The following ARHGAP12 variants were observed in gnomAD, a reference collection of about 807,000 sequenced individuals.
ARHGAP12 encodes the protein Rho GTPase activating protein 12, also known as rho GTPase-activating protein 12.
Under a neutral mutation model 108.6 loss-of-function variants are expected in ARHGAP12, and 64 were observed. That is an observed-to-expected ratio of 0.59 (90% confidence interval 0.48 to 0.73). The LOEUF (loss-of-function observed/expected upper bound fraction) is 0.73. Among genes scored for constraint, ARHGAP12 ranks in the 30% least tolerant of loss-of-function variants. The pLI, the probability that ARHGAP12 is intolerant of heterozygous loss-of-function variation, is 0.00. For missense variants in ARHGAP12, 940 were observed against 1,005.9 expected (o/e 0.93, Z 0.89); for synonymous variants, 312 against 337.2 (o/e 0.93, Z 0.82).
intron 4 of ARHGAP12, among the ~76,000 whole-genome samples, chr10:31,854,639 G>A (rs1836819243): frequency 6.6e-6 from 1 of 152,050 alleles, no homozygotes; most frequent in Non-Finnish European, 1.5e-5. Context: ...CACATGCAAG[G>A]CAAACAACCC....
At chr10:31,831,393 G>C (rs1231278830) in intron 10 of ARHGAP12, among the ~76,000 whole-genome samples, 1 of 152,150 alleles carries the variant, frequency 6.6e-6, no homozygotes, top group Non-Finnish European at 1.5e-5. Context: ...TGCCTCTGGG[G>C]AGGGGAAGTA....
chr10:31,928,592 C>T (rs574110536), intron 1 of ARHGAP12, 91 bp downstream of exon 1: 2 of 153,018 alleles, frequency 1.3e-5, no homozygotes, highest in Non-Finnish European at 2.9e-5. Context: ...CTCCACCGCC[C>T]TCGGCGGGCA....
intron 3 of ARHGAP12, among the ~76,000 whole-genome samples, chr10:31,894,284 A>G (rs571579112): frequency 7.2e-5 from 11 of 152,294 alleles, no homozygotes; most frequent in African/African-American, 2.4e-4. Flanking sequence ...AGGGTATTCA[A>G]TTAGGAAAAG....
chr10:31,889,549 C>A (rs117671168), intron 3 of ARHGAP12, among the ~76,000 whole-genome samples: 1 of 151,350 alleles, frequency 6.6e-6, no homozygotes, highest in Admixed American at 6.6e-5. Flanking sequence ...AATCCAGTAA[C>A]CACTTAAAAA....
At chr10:31,894,340 T>C (rs1838585373) in intron 3 of ARHGAP12, among the ~76,000 whole-genome samples, 1 of 152,128 alleles carries the variant, frequency 6.6e-6, no homozygotes, top group African/African-American at 2.4e-5. Flanking sequence ...ATTGTATATC[T>C]AGAAAACCCC....
At chr10:31,916,622 T>C (rs1034144014) in intron 1 of ARHGAP12, among the ~76,000 whole-genome samples, 1 of 152,158 alleles carries the variant, frequency 6.6e-6, no homozygotes, top group Non-Finnish European at 1.5e-5. Context: ...AAACATAATG[T>C]ATCTTTTTTT....
intron 3 of ARHGAP12, among the ~76,000 whole-genome samples, chr10:31,894,301 T>C (rs1339204007): frequency 6.6e-6 from 1 of 152,168 alleles, no homozygotes; most frequent in African/African-American, 2.4e-5. Flanking sequence ...AAAGAGGAAG[T>C]CAAATTGTCC....
chr10:31,834,829 A>G (rs1176003113), intron 9 of ARHGAP12, among the ~76,000 whole-genome samples: 1 of 152,210 alleles, frequency 6.6e-6, no homozygotes, highest in Non-Finnish European at 1.5e-5. Context: ...ACTATTAAAT[A>G]TCTAAGTTTT....
At chr10:31,854,385 TA>T (rs1836811372) in intron 4 of ARHGAP12, among the ~76,000 whole-genome samples, 179 bp from the exon 5 acceptor site, 1 of 152,174 alleles carries the variant, frequency 6.6e-6, no homozygotes, top group Admixed American at 6.5e-5. Context: ...AGAGGTGAGG[TA>T]AAATTAATAG....
chr10:31,912,760 A>G (rs1320682045), intron 1 of ARHGAP12, among the ~76,000 whole-genome samples: 1 of 152,168 alleles, frequency 6.6e-6, no homozygotes, highest in Non-Finnish European at 1.5e-5. Context: ...AGGGTGGGGA[A>G]ACAGGTTGGG....
intron 3 of ARHGAP12, among the ~76,000 whole-genome samples, chr10:31,898,107 G>A (rs1838779810): frequency 6.6e-6 from 1 of 152,128 alleles, no homozygotes; most frequent in South Asian, 2.1e-4. Context: ...CTGGGCAAGA[G>A]AGCAAAACCT....
intron 1 of ARHGAP12, among the ~76,000 whole-genome samples, chr10:31,918,420 A>T (rs897860792): frequency 6.6e-6 from 1 of 152,080 alleles, no homozygotes; most frequent in Non-Finnish European, 1.5e-5. Flanking sequence ...ATTAAAAAAT[A>T]GACCAAGTAC....
chr10:31,814,475 AC>A (rs1199388370), intron 13 of ARHGAP12, 114 bp from the exon 14 acceptor site: 3 of 801,096 alleles, frequency 3.7e-6, no homozygotes, highest in Admixed American at 4.2e-5. Flanking sequence ...ATTTTAGGAA[AC>A]CAATTAGTAT....
At chr10:31,885,847 AAC>A (rs1174040206) in intron 3 of ARHGAP12, among the ~76,000 whole-genome samples, 15 of 152,096 alleles carry the variant, frequency 9.9e-5, no homozygotes, top group Non-Finnish European at 2.1e-4. Context: ...TAATTAAAAA[AAC>A]ACAAACAAAC....
Position 31,843,565 on chromosome 10 carries a change from G to C in ARHGAP12, c.1192C>G (p.Gln398Glu), listed in dbSNP as rs748594767. 2 of 1,606,952 alleles carry C rather than the reference G, an allele frequency of 1.2e-6. No individual in the cohort carries two copies. The highest frequency in any genetic ancestry group is 1.7e-6 in the Non-Finnish European group (2 of 1,177,880). Reference sequence around the variant, plus strand: ...CTCCTACTTTTAATTATTTCTCTTTGCTGCTGGGATGAAGCATTATACTAA... The same window carrying C: ...CTCCTACTTTTAATTATTTCTCTTTCCTGCTGGGATGAAGCATTATACTAA... ...LPKYNASSQQ[Q>E]REIIKSRSLD... is the part of the protein sequence containing the mutation. The change falls in exon 7 of 20, where the codon CAA becomes GAA. Residue 398 changes from glutamine (Q) to glutamate (E), a missense_variant. By Grantham distance (29) the Gln-to-Glu change is conservative (BLOSUM62 2). Coordinates refer to ENST00000344936, the MANE Select transcript of ARHGAP12 (RefSeq NM_018287.7).
At chr10:31,869,198 A>G (rs1432245889) in intron 3 of ARHGAP12, among the ~76,000 whole-genome samples, 1 of 152,228 alleles carries the variant, frequency 6.6e-6, no homozygotes, top group Admixed American at 6.5e-5. Flanking sequence ...AACCTTGTTC[A>G]TGAATTGTCA....
chr10:31,924,912 G>A (rs1003186157), intron 1 of ARHGAP12, among the ~76,000 whole-genome samples: 15 of 152,128 alleles, frequency 9.9e-5, no homozygotes, highest in Non-Finnish European at 1.6e-4. Context: ...AGACGTCACA[G>A]AGTATCTACA....
chr10:31,841,925 G>A (rs936279294), intron 7 of ARHGAP12, among the ~76,000 whole-genome samples: 2 of 151,988 alleles, frequency 1.3e-5, no homozygotes, highest in African/African-American at 4.8e-5. Context: ...GCATCTGTTT[G>A]CAAAGGGTAA....
chr10:31,827,707 C>T (rs747128191), intron 10 of ARHGAP12, among the ~76,000 whole-genome samples: 13 of 151,428 alleles, frequency 8.6e-5, no homozygotes, highest in Non-Finnish European at 1.8e-4. Context: ...AGGAGAATGG[C>T]GTGAACCCGG....
Sources: allele counts gnomAD v4.1 joint callset (sites outside exome capture counted in the v4.1 genomes callset), GRCh38; gene constraint gnomAD v4.1.1; transcripts MANE v1.5; gene names NCBI Gene and HGNC (gene_info 2026-07-23, HGNC 2026-07-21).